Variants in MORC1 observed in about 807,000 individuals in gnomAD.
The protein encoded by MORC1 is MORC family CW-type zinc finger 1, also known as MORC family CW-type zinc finger protein 1.
MORC1 carries 59 observed loss-of-function variants against 134.9 expected under a neutral mutation model. The observed-to-expected ratio is 0.44, with a 90% CI of 0.35 to 0.54. The LOEUF is 0.54. Among genes scored for constraint, MORC1 ranks in the 20% least tolerant of loss-of-function variants. The pLI, the probability that MORC1 is intolerant of heterozygous loss-of-function variation, is 0.00. For synonymous variants in MORC1, 395 were observed against 391.7 expected (o/e 1.01, Z -0.10); for missense variants, 947 against 1,134.5 (o/e 0.83, Z 2.37).
chr3:108,995,612 G>C (rs572779312), intron 21 of MORC1, among the ~76,000 whole-genome samples: 1 of 152,278 alleles, frequency 6.6e-6, no homozygotes, highest in East Asian at 1.9e-4. Flanking sequence ...GGAATTAGTG[G>C]AGACCCCAAG....
intron 21 of MORC1, among the ~76,000 whole-genome samples, chr3:108,996,608 T>C (rs1948236854): frequency 6.6e-6 from 1 of 152,236 alleles, no homozygotes; most frequent in African/African-American, 2.4e-5. Flanking sequence ...TGGAAACTTC[T>C]ACAGCTCCAA....
intron 15 of MORC1, among the ~76,000 whole-genome samples, chr3:109,033,542 C>T (rs566051973): frequency 4.6e-5 from 7 of 152,248 alleles, no homozygotes; most frequent in Admixed American, 2.0e-4. Context: ...ACACTGCTAA[C>T]GGCTCGTAGG....
intron 24 of MORC1, among the ~76,000 whole-genome samples, 196 bp downstream of exon 24, chr3:108,979,319 A>G (rs1443404697): frequency 1.3e-5 from 2 of 152,230 alleles, no homozygotes; most frequent in African/African-American, 4.8e-5. Flanking sequence ...ATGTAACAAC[A>G]GGCAGTTACC....
At chr3:108,981,959 G>A (rs1947736562) in intron 23 of MORC1, among the ~76,000 whole-genome samples, 1 of 152,186 alleles carries the variant, frequency 6.6e-6, no homozygotes, top group Non-Finnish European at 1.5e-5. Flanking sequence ...TACCATCAGA[G>A]TGAACAGGCA....
chr3:108,983,995 G>T (rs958109209), intron 23 of MORC1, among the ~76,000 whole-genome samples: 1 of 152,196 alleles, frequency 6.6e-6, no homozygotes, highest in Non-Finnish European at 1.5e-5. Flanking sequence ...TACCTTAAAA[G>T]TAGTAGGGGC....
At chr3:109,097,567 G>A (rs1289459350) in intron 6 of MORC1, among the ~76,000 whole-genome samples, 1 of 152,076 alleles carries the variant, frequency 6.6e-6, no homozygotes, top group African/African-American at 2.4e-5. Context: ...TCACAGGATG[G>A]CAGCTGAACA....
intron 17 of MORC1, among the ~76,000 whole-genome samples, chr3:109,025,379 CTTTTT>C (rs63701060): frequency 1.9e-5 from 2 of 105,100 alleles, no homozygotes; most frequent in Admixed American, 1.1e-4. Flanking sequence ...TTTCTTTTTT[CTTTTT>C]TTTTTTTTTT....
chr3:109,035,947 T>C (rs12695192), intron 14 of MORC1, among the ~76,000 whole-genome samples: 64,204 of 151,904 alleles, frequency 0.42, 14,277 homozygotes, highest in Middle Eastern at 0.55. Context: ...CTTTATTGTT[T>C]ATGCACTATC....
chr3:109,032,464 T>A (rs1949262457), intron 16 of MORC1, among the ~76,000 whole-genome samples: 1 of 152,174 alleles, frequency 6.6e-6, no homozygotes, highest in South Asian at 2.1e-4. Flanking sequence ...TACCAGGTTG[T>A]GGTCTCCCAT....
In MORC1 at chr3:109,035,442, T is replaced by G; in HGVS notation, c.1357A>C (p.Asn453His). 6.7e-7 allele frequency: 1 copy of G among 1,500,236 alleles called. No homozygotes were observed. The highest frequency in any genetic ancestry group is 9.1e-7 in the Non-Finnish European group (1 of 1,101,588). The allele number at this position is 1,500,236 out of a possible 1,614,324, so 92.9% of individuals were successfully genotyped here. Residue 453 changes from asparagine (N) to histidine (H), a missense_variant, in exon 15 of 28, where the codon AAT becomes CAT. This residue lies in a region of MORC1 where 722 missense variants were observed against 817.0 expected (regional missense o/e 0.88). Transcript: ENST00000232603. The stretch of plus-strand genomic sequence containing the variant: ...ATGTCATTCTGGTATCCAAATTCAT[T>G]GCAAAACAATGTTAAATTTCTATTA... ...INNRNLTLFC[N>H]EFGYQNDIDV...
At chr3:109,080,602 A>G (rs751285769) in intron 8 of MORC1, among the ~76,000 whole-genome samples, 11 of 152,232 alleles carry the variant, frequency 7.2e-5, no homozygotes, top group Admixed American at 1.3e-4. Flanking sequence ...TGGAATAAGA[A>G]CCAACGTATA....
intron 26 of MORC1, 105 bp downstream of exon 26, chr3:108,969,563 CA>C: frequency 8.7e-7 from 1 of 1,152,852 alleles, no homozygotes; most frequent in South Asian, 1.3e-5. Context: ...TAAGTGAATG[CA>C]AATTTGATTT....
intron 9 of MORC1, among the ~76,000 whole-genome samples, chr3:109,067,006 A>T (rs1950213086): frequency 1.3e-5 from 2 of 152,242 alleles, no homozygotes; most frequent in South Asian, 4.1e-4. Context: ...AAAAATTACT[A>T]GTCTGATAGG....
At chr3:109,108,776 T>G (rs1276113022) in intron 3 of MORC1, among the ~76,000 whole-genome samples, 3 of 152,020 alleles carry the variant, frequency 2.0e-5, no homozygotes, top group East Asian at 1.9e-4. Context: ...GGCGGGCACA[T>G]GTAGTCCCAG....
chr3:109,009,261 A>G (rs1948626183), intron 17 of MORC1, among the ~76,000 whole-genome samples: 2 of 139,290 alleles, frequency 1.4e-5, no homozygotes, highest in Non-Finnish European at 3.0e-5. Flanking sequence ...GCTGGAGTGC[A>G]GTGGCGCAAT....
chr3:109,105,220 T>C, intron 3 of MORC1, among the ~76,000 whole-genome samples: 1 of 151,978 alleles, frequency 6.6e-6, no homozygotes, highest in East Asian at 1.9e-4. Context: ...TTATGGCCAC[T>C]AAAAATTAAA....
chr3:109,057,089 T>C (rs1576688599), intron 13 of MORC1, among the ~76,000 whole-genome samples: 1 of 152,212 alleles, frequency 6.6e-6, no homozygotes, highest in African/African-American at 2.4e-5. Flanking sequence ...GCACAAGGAA[T>C]GGCCCCACAT....
At position 109,040,829 on chromosome 3, in the gene MORC1, CAA is replaced by C. The variant is rs59122147; in HGVS notation, c.1331-5363_1331-5362del. ...TGGCTGACAGAGTAAAACTCTGTGT[CAA>C]AAAAAAAAAAAAAAAAAAAGAAAGA... On this transcript the variant is annotated intron_variant, in intron 14 of 27. Transcript: ENST00000232603. Among the ~76,000 whole-genome samples the C allele has an allele frequency of 3.2e-3, 349 of 108,586 alleles. 1 individual carries two copies. The highest frequency in any genetic ancestry group is 0.014 in the African/African-American group (308 of 22,532). The allele number at this position is 108,586 out of a possible 152,430, so 71.2% of individuals were successfully genotyped here.
chr3:108,975,449 G>T (rs967328536), intron 24 of MORC1, among the ~76,000 whole-genome samples: 1 of 152,052 alleles, frequency 6.6e-6, no homozygotes, highest in South Asian at 2.1e-4. Context: ...TTATAGAGAT[G>T]AAATAAATGG....
Sources: gnomAD v4.1 joint callset for allele counts (sites outside exome capture counted in the v4.1 genomes callset) on GRCh38, gnomAD v4.1.1 for gene constraint, gnomAD v4.1.1 regional missense constraint, MANE v1.5 for transcripts, NCBI Gene and HGNC (gene_info 2026-07-23, HGNC 2026-07-21) for gene names.